Variants in SAMTOR observed in about 807,000 individuals in gnomAD.
SAMTOR encodes the protein S-adenosylmethionine sensor upstream of mTORC1.
chr7:112,911,638 A>G, the SAMTOR span, among the ~76,000 whole-genome samples: 1 of 152,154 alleles, frequency 6.6e-6, no homozygotes, highest in African/African-American at 2.4e-5. Context: ...AAACTTTAAA[A>G]TAACTATTTT....
At chr7:112,929,151 C>T in the SAMTOR span, among the ~76,000 whole-genome samples, 1 of 151,390 alleles carries the variant, frequency 6.6e-6, no homozygotes, top group Non-Finnish European at 1.5e-5. Flanking sequence ...ATATGTGATG[C>T]CATTTTAAGA....
the SAMTOR span, among the ~76,000 whole-genome samples, chr7:112,875,937 C>T: frequency 1.3e-5 from 2 of 152,082 alleles, no homozygotes; most frequent in African/African-American, 2.4e-5. Context: ...CATGTGGTTC[C>T]ACCAATCAAA....
chr7:112,930,588 G>C, the SAMTOR span, among the ~76,000 whole-genome samples: 2 of 151,334 alleles, frequency 1.3e-5, no homozygotes, highest in African/African-American at 4.9e-5. Context: ...CTACAGAACA[G>C]TCTAGGTAAA....
chr7:112,897,598 A>G, the SAMTOR span, among the ~76,000 whole-genome samples: 1 of 152,210 alleles, frequency 6.6e-6, no homozygotes, highest in Non-Finnish European at 1.5e-5. Flanking sequence ...GAGAGCAAAT[A>G]AAAGCACTTA....
chr7:112,894,454 G>A, the SAMTOR span, among the ~76,000 whole-genome samples: 4 of 152,112 alleles, frequency 2.6e-5, no homozygotes, highest in Admixed American at 6.5e-5. Flanking sequence ...GTATTAGTGC[G>A]TTTTCATGCT....
At chr7:112,908,765 C>T in the SAMTOR span, among the ~76,000 whole-genome samples, 1 of 152,000 alleles carries the variant, frequency 6.6e-6, no homozygotes, top group Non-Finnish European at 1.5e-5. Context: ...AAATGGTTAC[C>T]CATAGGAGGT....
At chr7:112,858,791 A>G in the SAMTOR span, among the ~76,000 whole-genome samples, 1 of 152,208 alleles carries the variant, frequency 6.6e-6, no homozygotes, top group Non-Finnish European at 1.5e-5. Context: ...GGAAGCCAGT[A>G]TCAGAACTTC....
At chr7:112,857,760 T>G in the SAMTOR span, among the ~76,000 whole-genome samples, 3 of 152,200 alleles carry the variant, frequency 2.0e-5, no homozygotes, top group Non-Finnish European at 4.4e-5. Context: ...ATGGCCCAAG[T>G]TGCCTGCCCA....
chr7:112,921,526 C>T, the SAMTOR span, among the ~76,000 whole-genome samples: 1 of 149,684 alleles, frequency 6.7e-6, no homozygotes, highest in Non-Finnish European at 1.5e-5. Context: ...CCATTCAGGA[C>T]ATAGGCATGG....
chr7:112,872,866 T>G, the SAMTOR span, among the ~76,000 whole-genome samples: 1 of 150,976 alleles, frequency 6.6e-6, no homozygotes, highest in Admixed American at 6.6e-5. Flanking sequence ...ATAATGGCCA[T>G]TCTACACCAG....
the SAMTOR span, among the ~76,000 whole-genome samples, chr7:112,828,277 A>G: frequency 6.6e-6 from 1 of 152,266 alleles, no homozygotes. Flanking sequence ...GGAGGCTTAG[A>G]AGTCTGAGGT....
At chr7:112,908,860 T>C in the SAMTOR span, among the ~76,000 whole-genome samples, 1 of 152,174 alleles carries the variant, frequency 6.6e-6, no homozygotes, top group Non-Finnish European at 1.5e-5. Flanking sequence ...ATACCTGTAA[T>C]AAAAAGTTCC....
the SAMTOR span, among the ~76,000 whole-genome samples, chr7:112,929,144 T>C: frequency 6.6e-6 from 1 of 151,872 alleles, no homozygotes; most frequent in African/African-American, 2.4e-5. Flanking sequence ...CAAGTATATA[T>C]GTGATGCCAT....
chr7:112,820,986 A>C, the SAMTOR span: 3 of 152,466 alleles, frequency 2.0e-5, no homozygotes, highest in Non-Finnish European at 2.9e-5. Context: ...AAGTTTAAGA[A>C]AAGTAAAAGT....
the SAMTOR span, among the ~76,000 whole-genome samples, chr7:112,854,813 G>A: frequency 1.3e-5 from 2 of 152,160 alleles, no homozygotes; most frequent in Admixed American, 6.5e-5. Flanking sequence ...AAGTATATCT[G>A]GTTTCTAAGT....
chr7:112,831,400 C>T, the SAMTOR span, among the ~76,000 whole-genome samples: 1 of 152,146 alleles, frequency 6.6e-6, no homozygotes, highest in East Asian at 1.9e-4. Context: ...CTCATGCCTG[C>T]AATCCCAGCA....
chr7:112,867,874 A>C, the SAMTOR span, among the ~76,000 whole-genome samples: 1 of 152,204 alleles, frequency 6.6e-6, no homozygotes, highest in African/African-American at 2.4e-5. Context: ...GCCTGTTAGG[A>C]ACCGGGCTGC....
chr7:112,870,952 T>A, the SAMTOR span, among the ~76,000 whole-genome samples: 1 of 152,028 alleles, frequency 6.6e-6, no homozygotes, highest in East Asian at 1.9e-4. Flanking sequence ...TACATAATGA[T>A]AAAGAGCTCA....
At chr7:112,905,264 C>A in the SAMTOR span, among the ~76,000 whole-genome samples, 1 of 152,262 alleles carries the variant, frequency 6.6e-6, no homozygotes, top group Non-Finnish European at 1.5e-5. Context: ...TATAGCCCTG[C>A]ATGGTGCAGT....
Sources: gnomAD v4.1 joint callset for allele counts (sites outside exome capture counted in the v4.1 genomes callset) on GRCh38, gnomAD v4.1.1 for gene constraint, MANE v1.5 for transcripts, NCBI Gene and HGNC (gene_info 2026-07-23, HGNC 2026-07-21) for gene names.